Variants in NCK2 observed in about 807,000 individuals in gnomAD.
NCK2 encodes NCK adaptor protein 2, also known as cytoplasmic protein NCK2.
NCK2 carries 16 observed loss-of-function variants against 33.9 expected under a neutral mutation model. The observed-to-expected ratio is 0.47, with a 90% confidence interval of 0.32 to 0.72. The LOEUF (loss-of-function observed/expected upper bound fraction) is 0.72, where lower values mean the gene tolerates loss of function less well. Among genes scored for constraint, NCK2 ranks in the 30% least tolerant of loss-of-function variants. The pLI, the probability that NCK2 is intolerant of heterozygous loss-of-function variation, is 0.03. For synonymous variants in NCK2, 273 were observed against 239.9 expected (o/e 1.14, Z -1.27); for missense variants, 418 against 537.3 (o/e 0.78, Z 2.19).
At chr2:105,793,022 G>A (rs1450344460) in intron 1 of NCK2, among the ~76,000 whole-genome samples, 2 of 152,080 alleles carry the variant, frequency 1.3e-5, no homozygotes, top group Admixed American at 6.6e-5. Context: ...TTCCTGTCCT[G>A]TGTCATGAAG....
At chr2:105,839,487 G>A (rs1178366435) in intron 2 of NCK2, among the ~76,000 whole-genome samples, 3 of 152,124 alleles carry the variant, frequency 2.0e-5, no homozygotes, top group Non-Finnish European at 4.4e-5. Flanking sequence ...GAGCTTGAGG[G>A]ATGAGTCTCA....
At chr2:105,851,440 A>G (rs1018829066) in intron 2 of NCK2, among the ~76,000 whole-genome samples, 1 of 151,988 alleles carries the variant, frequency 6.6e-6, no homozygotes, top group Non-Finnish European at 1.5e-5. Flanking sequence ...CTCTTTTTGT[A>G]TTAGAGACAG....
chr2:105,869,435 T>C (rs1677902258), intron 3 of NCK2, among the ~76,000 whole-genome samples: 1 of 152,100 alleles, frequency 6.6e-6, no homozygotes, highest in African/African-American at 2.4e-5. Flanking sequence ...TGAAGACATG[T>C]AGATGCAGAG....
chr2:105,872,406 G>A (rs773798742), intron 3 of NCK2, among the ~76,000 whole-genome samples: 1 of 152,098 alleles, frequency 6.6e-6, no homozygotes. Context: ...TCCTTGCCAC[G>A]GGTACTTCCT....
At chr2:105,868,250 C>T (rs1677839688) in intron 3 of NCK2, among the ~76,000 whole-genome samples, 1 of 152,348 alleles carries the variant, frequency 6.6e-6, no homozygotes, top group African/African-American at 2.4e-5. Context: ...ATGATCAACT[C>T]CTCCAGGCTG....
chr2:105,838,132 CA>C (rs1676501338), intron 2 of NCK2, among the ~76,000 whole-genome samples: 1 of 151,840 alleles, frequency 6.6e-6, no homozygotes, highest in Non-Finnish European at 1.5e-5. Context: ...AATAGATAAC[CA>C]CTATTTATAA....
rs190665193 is a variant in NCK2, at chr2:105,821,905, A to G, written c.-17+5292A>G. Among the ~76,000 whole-genome samples, 1,273 of 149,592 alleles carry G rather than the reference A, an allele frequency of 8.5e-3. 22 individuals carry two copies. The highest frequency in any genetic ancestry group is 7.3e-3 in the Non-Finnish European group (489 of 67,278). Reference sequence around the variant, plus strand: ...GGAAGCAGAAGGTCTGTTGCTTACCAGCCCACGTTCCTTCTGCTTCCCGGG... The same window carrying G: ...GGAAGCAGAAGGTCTGTTGCTTACCGGCCCACGTTCCTTCTGCTTCCCGGG... On this transcript the variant is annotated intron_variant, in intron 2 of 4. Transcript: ENST00000233154.
At chr2:105,750,762 G>A (rs183317355) in intron 1 of NCK2, among the ~76,000 whole-genome samples, 1 of 152,324 alleles carries the variant, frequency 6.6e-6, no homozygotes, top group Admixed American at 6.5e-5. Flanking sequence ...TTGGGGGTTG[G>A]TTTGTCTTTA....
intron 1 of NCK2, among the ~76,000 whole-genome samples, chr2:105,784,495 G>C (rs932216923): frequency 6.6e-6 from 1 of 152,230 alleles, no homozygotes; most frequent in South Asian, 2.1e-4. Context: ...TTAAATTCAA[G>C]ATACATTTGT....
intron 3 of NCK2, among the ~76,000 whole-genome samples, chr2:105,856,062 T>C (rs1573209519): frequency 1.3e-5 from 2 of 152,112 alleles, no homozygotes; most frequent in Non-Finnish European, 2.9e-5. Flanking sequence ...TCTCGATCTC[T>C]TGACCTTGTG....
chr2:105,893,306 G>T lies in NCK2; in HGVS notation c.*130G>T. On this transcript the variant is annotated 3_prime_UTR_variant, in exon 5 of 5. Transcript: ENST00000233154. The stretch of plus-strand genomic sequence containing the variant: ...GCGAGTCTCTCTTTATGTTCAGGTC[G>T]CTTGGTCGGTTCGTCTCCCATTTGC... 1.0e-6 allele frequency: 1 copy of T among 953,410 alleles called. No homozygotes were observed. The highest frequency in any genetic ancestry group is 1.5e-6 in the Non-Finnish European group (1 of 661,210). 59.1% of individuals were successfully genotyped at this position (953,410 alleles called of 1,614,324 possible). A position where few individuals can be genotyped will look rare whatever the true frequency, so the allele number is the denominator to read the frequency against.
intron 3 of NCK2, among the ~76,000 whole-genome samples, chr2:105,873,933 C>T (rs1678130465): frequency 3.3e-5 from 5 of 152,142 alleles, no homozygotes. Context: ...TAGCAAGGGT[C>T]CCGGGAGTGC....
At chr2:105,762,853 A>G (rs1225940869) in intron 1 of NCK2, among the ~76,000 whole-genome samples, 1 of 152,238 alleles carries the variant, frequency 6.6e-6, no homozygotes, top group Non-Finnish European at 1.5e-5. Context: ...TTTAAGTAAT[A>G]TATTAATAAC....
Position 105,881,572 on chromosome 2 carries a change from C to T in NCK2, c.471C>T (p.Ile157=), listed in dbSNP as rs772235220. The T allele has an allele frequency of 1.1e-5, 18 of 1,613,856 alleles. No homozygotes were observed. Among genetic ancestry groups the T allele is most frequent in the African/African-American group, 1.3e-5 (1 of 75,062 alleles). ...GGCGGGGCAGCTACAACGGGCAGAT[C>T]GGCTGGTTCCCCTCCAACTACGTCT... ...GWWRGSYNGQ[I]GWFPSNYVLE... is the part of the protein sequence containing the mutation. Residue 157 remains isoleucine (I), a synonymous_variant, in exon 4 of 5, where the codon ATC becomes ATT. Transcript: ENST00000233154.
At chr2:105,779,766 A>G (rs1352621124) in intron 1 of NCK2, among the ~76,000 whole-genome samples, 2 of 152,138 alleles carry the variant, frequency 1.3e-5, no homozygotes, top group East Asian at 3.8e-4. Flanking sequence ...GCACACTCAC[A>G]TACATATACA....
intron 2 of NCK2, among the ~76,000 whole-genome samples, chr2:105,839,846 C>G (rs927519390): frequency 1.6e-4 from 25 of 152,148 alleles, no homozygotes; most frequent in Admixed American, 1.6e-3. Context: ...TTCAGAAGCA[C>G]AAGTAGAGTG....
chr2:105,873,918 G>A (rs143625326), intron 3 of NCK2, among the ~76,000 whole-genome samples: 2,848 of 152,270 alleles, frequency 0.019, 40 homozygotes, highest in Non-Finnish European at 0.029. Flanking sequence ...TTTCCCCCAT[G>A]ACTGTAGCAA....
Position 105,824,207 on chromosome 2 carries a change from G to A in NCK2, c.-17+7594G>A, listed in dbSNP as rs916266146. 2.0e-5 allele frequency among the ~76,000 whole-genome samples: 3 copies of A among 150,386 alleles called. 1 individual carries two copies. In the South Asian group the frequency reaches 6.2e-4, roughly 31 times the overall value. ...GCCCCCTCCCTTTATTGACCACATA[G>A]CAGAATGCCCCGTCCGTAAATGTCA... is the stretch of plus-strand genomic sequence containing the variant. On this transcript the variant is annotated intron_variant, in intron 2 of 4. Transcript: ENST00000233154.
chr2:105,758,302 G>C (rs1186448393), intron 1 of NCK2, among the ~76,000 whole-genome samples: 1 of 151,842 alleles, frequency 6.6e-6, no homozygotes, highest in Non-Finnish European at 1.5e-5. Context: ...CATCAATCCT[G>C]TGCACACATT....
Sources: allele counts gnomAD v4.1 joint callset (sites outside exome capture counted in the v4.1 genomes callset), GRCh38; gene constraint gnomAD v4.1.1; transcripts MANE v1.5; gene names NCBI Gene and HGNC (gene_info 2026-07-23, HGNC 2026-07-21).